The following PAPSS1 variants were observed in gnomAD, a reference collection of about 807,000 sequenced individuals.
The protein encoded by PAPSS1 is 3'-phosphoadenosine 5'-phosphosulfate synthase 1, also known as bifunctional 3'-phosphoadenosine 5'-phosphosulfate synthase 1.
A neutral mutation model predicts 72.0 loss-of-function variants in PAPSS1; 50 were observed. The ratio of observed to expected loss-of-function variants is 0.69; its 90% CI spans 0.55 to 0.88. The LOEUF is 0.88. Among genes scored for constraint, PAPSS1 ranks in the 40% least tolerant of loss-of-function variants. The pLI is 0.00. For synonymous variants in PAPSS1, 261 were observed against 263.6 expected (o/e 0.99, Z 0.09); for missense variants, 657 against 782.2 (o/e 0.84, Z 1.91).
intron 10 of PAPSS1, among the ~76,000 whole-genome samples, chr4:107,635,040 C>T (rs1039942367): frequency 3.3e-5 from 5 of 152,006 alleles, no homozygotes; most frequent in Admixed American, 1.3e-4. Flanking sequence ...CCTTGTGATC[C>T]GCCCGCCTTG....
At chr4:107,672,327 G>A (rs537391197) in intron 5 of PAPSS1, among the ~76,000 whole-genome samples, 1 of 152,216 alleles carries the variant, frequency 6.6e-6, no homozygotes, top group Admixed American at 6.5e-5. Flanking sequence ...TCAAAGAAAG[G>A]GGTGACACAC....
intron 5 of PAPSS1, among the ~76,000 whole-genome samples, chr4:107,680,501 C>G (rs1233716340): frequency 6.6e-6 from 1 of 152,156 alleles, no homozygotes; most frequent in Non-Finnish European, 1.5e-5. Context: ...GATGAGAAAG[C>G]CCCTGTGCCT....
intron 1 of PAPSS1, among the ~76,000 whole-genome samples, chr4:107,707,092 T>A (rs1333331255): frequency 6.6e-6 from 1 of 152,190 alleles, no homozygotes; most frequent in Non-Finnish European, 1.5e-5. Flanking sequence ...TGTATTGGGA[T>A]GGTCCTGAAA....
At chr4:107,681,596 T>C (rs1181124968) in intron 5 of PAPSS1, among the ~76,000 whole-genome samples, 2 of 152,086 alleles carry the variant, frequency 1.3e-5, no homozygotes, top group Admixed American at 6.6e-5. Context: ...AATCCACCCA[T>C]AAGGAGATCA....
chr4:107,641,214 A>G lies in PAPSS1; in HGVS notation c.1506+3588T>C, dbSNP rs568607433. On this transcript the variant is annotated intron_variant, in intron 10 of 11. Transcript: ENST00000265174. ...AATCCTCTACTCTCAGTATCTGCTC[A>G]CCCTCATTATCTGATCAAATTCCTT... 2.0e-5 allele frequency among the ~76,000 whole-genome samples: 3 copies of G among 152,222 alleles called. No individual in the cohort carries two copies. In the South Asian group the frequency reaches 6.2e-4, roughly 32 times the overall value.
intron 3 of PAPSS1, among the ~76,000 whole-genome samples, chr4:107,689,384 T>C (rs1722862340): frequency 6.6e-6 from 1 of 152,122 alleles, no homozygotes; most frequent in Non-Finnish European, 1.5e-5. Context: ...AACCCCTCTC[T>C]TCTGGACAAA....
intron 1 of PAPSS1, among the ~76,000 whole-genome samples, chr4:107,709,418 G>C (rs1723429106): frequency 6.6e-6 from 1 of 152,126 alleles, no homozygotes; most frequent in Non-Finnish European, 1.5e-5. Context: ...GAGAAATTTA[G>C]TTTTTAGTTT....
Position 107,670,916 on chromosome 4 carries a change from C to T in PAPSS1, c.670-10844G>A, listed in dbSNP as rs528436187. Among the ~76,000 whole-genome samples the T allele has an allele frequency of 1.1e-4, 16 of 152,270 alleles. 1 individual carries two copies. The South Asian group carries it at 2.9e-3, about 28-fold the overall frequency. ...GTTTTAGAGCGAAAAAAAGGAAATG[C>T]TTAGACTACACTTTAGAAAGATTAC... On this transcript the variant is annotated intron_variant, in intron 5 of 11. Transcript: ENST00000265174.
intron 1 of PAPSS1, among the ~76,000 whole-genome samples, chr4:107,719,600 C>G (rs115433076): frequency 6.6e-6 from 1 of 152,314 alleles, no homozygotes; most frequent in African/African-American, 2.4e-5. Context: ...TGGGTACTCT[C>G]CTTTCACACT....
At chr4:107,717,418 G>A (rs1000156541) in intron 1 of PAPSS1, among the ~76,000 whole-genome samples, 7 of 152,130 alleles carry the variant, frequency 4.6e-5, no homozygotes, top group African/African-American at 7.2e-5. Flanking sequence ...TGTAATAGAG[G>A]ATGATAACAG....
chr4:107,643,871 A>G (rs901118806), intron 10 of PAPSS1, among the ~76,000 whole-genome samples: 1 of 152,172 alleles, frequency 6.6e-6, no homozygotes, highest in African/African-American at 2.4e-5. Flanking sequence ...TCTCATATAT[A>G]TATTATATTT....
At chr4:107,627,406 CT>C (rs551407700) in intron 11 of PAPSS1, among the ~76,000 whole-genome samples, 5 of 152,310 alleles carry the variant, frequency 3.3e-5, no homozygotes, top group Admixed American at 3.3e-4. Flanking sequence ...TATACACAAA[CT>C]AAATAAATCT....
At chr4:107,684,332 C>T (rs1372160044) in intron 4 of PAPSS1, among the ~76,000 whole-genome samples, 1 of 152,124 alleles carries the variant, frequency 6.6e-6, no homozygotes, top group Non-Finnish European at 1.5e-5. Flanking sequence ...ACTTCTTTTC[C>T]AACCTGACTC....
chr4:107,624,649 A>C (rs931963212), intron 11 of PAPSS1, among the ~76,000 whole-genome samples: 4 of 152,176 alleles, frequency 2.6e-5, no homozygotes, highest in African/African-American at 9.7e-5. Flanking sequence ...ACCTAATTAT[A>C]ATTCAAATGC....
chr4:107,658,291 G>GAA (rs1232647343), intron 6 of PAPSS1, among the ~76,000 whole-genome samples: 4 of 98,516 alleles, frequency 4.1e-5, no homozygotes, highest in Non-Finnish European at 4.1e-5. Flanking sequence ...GTCTTGTTAG[G>GAA]AAAAAAAAAA....
chr4:107,614,468 T>C, intron 11 of PAPSS1, 81 bp from the exon 12 acceptor site: 1 of 1,053,872 alleles, frequency 9.5e-7, no homozygotes. Context: ...CTTCTGTTCA[T>C]ATTAGACAAA....
At chr4:107,662,749 T>C (rs911280794) in intron 5 of PAPSS1, among the ~76,000 whole-genome samples, 2 of 152,196 alleles carry the variant, frequency 1.3e-5, no homozygotes, top group African/African-American at 4.8e-5. Flanking sequence ...CAAATCACCC[T>C]GTATCCCAGA....
chr4:107,668,310 C>G (rs1385861801), intron 5 of PAPSS1, among the ~76,000 whole-genome samples: 6 of 152,144 alleles, frequency 3.9e-5, no homozygotes, highest in Non-Finnish European at 2.9e-5. Context: ...TGCAATAATG[C>G]CACTGCAGTA....
At chr4:107,719,877 C>G in intron 1 of PAPSS1, 1 of 1,355,356 alleles carries the variant, frequency 7.4e-7, no homozygotes, top group Non-Finnish European at 9.4e-7. Context: ...GGGCGTTCTT[C>G]CCACGAACGG....
Sources: allele counts gnomAD v4.1 joint callset (sites outside exome capture counted in the v4.1 genomes callset), GRCh38; gene constraint gnomAD v4.1.1; transcripts MANE v1.5; gene names NCBI Gene and HGNC (gene_info 2026-07-23, HGNC 2026-07-21).